The following ZEB1 variants were observed in gnomAD, a reference collection of about 807,000 sequenced individuals.
ZEB1 encodes the protein zinc finger E-box binding homeobox 1, also known as zinc finger E-box-binding homeobox 1.
In ZEB1, 21 loss-of-function variants were observed where a neutral mutation model predicts 84.9. The observed-to-expected ratio is 0.25, with a 90% CI of 0.18 to 0.36. The LOEUF (loss-of-function observed/expected upper bound fraction) is 0.36, where lower values mean the gene tolerates loss of function less well. Ranked by LOEUF, ZEB1 falls within the 10% of genes least tolerant of loss-of-function variation. The pLI is 1.00. For synonymous variants in ZEB1, 420 were observed against 471.1 expected, an observed-to-expected ratio of 0.89 and a Z score of 1.41; for missense variants, 1,104 against 1,330.2, an observed-to-expected ratio of 0.83 and a Z score of 2.65.
In ZEB1 at chr10:31,521,651, C is replaced by A. The variant is rs143340752; in HGVS notation, c.2319C>A (p.Cys773Ter). 1 of 1,613,970 alleles carries A rather than the reference C, an allele frequency of 6.2e-7. No homozygotes were observed. Residue 773 changes from cysteine to a stop codon, truncating the protein, a stop_gained, in exon 7 of 9, where the codon TGC becomes TGA. Transcript: ENST00000424869. LOFTEE classifies it high-confidence loss of function. ...SVQEEPLNLS[C>*]AKKEPQKDSC... ...AGGAAGAACCCTTGAACTTGTCTTG[C>A]GCAAAAAAGGAGCCACAAAAGGACA...
intron 1 of ZEB1, among the ~76,000 whole-genome samples, chr10:31,320,921 C>T (rs1474688301): frequency 6.6e-6 from 1 of 152,194 alleles, no homozygotes; most frequent in Non-Finnish European, 1.5e-5. Flanking sequence ...GCCCTGCCGC[C>T]GGCCGCAGCC....
chr10:31,505,281 A>G (rs2068779692), intron 4 of ZEB1, among the ~76,000 whole-genome samples: 1 of 152,078 alleles, frequency 6.6e-6, no homozygotes, highest in South Asian at 2.1e-4. Context: ...TGGTTTTGGT[A>G]TCAAGATAGT....
At chr10:31,526,515 T>C (rs764213767) in intron 8 of ZEB1, among the ~76,000 whole-genome samples, 157 bp from the exon 9 acceptor site, 1 of 152,168 alleles carries the variant, frequency 6.6e-6, no homozygotes, top group African/African-American at 2.4e-5. Flanking sequence ...CAAACCAAAT[T>C]GCAATATTAT....
At chr10:31,517,088 T>C (rs1460748429) in intron 6 of ZEB1, among the ~76,000 whole-genome samples, 8 of 152,102 alleles carry the variant, frequency 5.3e-5, no homozygotes, top group African/African-American at 1.9e-4. Flanking sequence ...CAACTGGTCA[T>C]TCACCACAAA....
At chr10:31,480,583 A>T (rs932630199) in intron 2 of ZEB1, among the ~76,000 whole-genome samples, 1 of 152,058 alleles carries the variant, frequency 6.6e-6, no homozygotes, top group Admixed American at 6.6e-5. Context: ...TTTTAGCTCT[A>T]CTTATAAGGG....
chr10:31,358,337 AG>A (rs1286414006), intron 1 of ZEB1: 5 of 152,224 alleles, frequency 3.3e-5, no homozygotes, highest in African/African-American at 7.2e-5. Context: ...CAAGCCTGTA[AG>A]TATGAAGTCG....
intron 1 of ZEB1, among the ~76,000 whole-genome samples, chr10:31,347,455 C>T (rs2040509779): frequency 6.6e-6 from 1 of 152,136 alleles, no homozygotes; most frequent in Non-Finnish European, 1.5e-5. Flanking sequence ...AAGTGATCCT[C>T]CTGTTTGGCC....
intron 6 of ZEB1, among the ~76,000 whole-genome samples, chr10:31,518,505 A>T (rs1159100215): frequency 6.6e-6 from 1 of 152,146 alleles, no homozygotes; most frequent in Non-Finnish European, 1.5e-5. Context: ...GTCTCTTAGT[A>T]GAATTGCCTT....
chr10:31,527,412 A>AACACACACAC lies in ZEB1; in HGVS notation c.*180_*189dup, dbSNP rs3086583. 5.9e-4 allele frequency: 304 copies of AACACACACAC among 515,716 alleles called. 1 individual carries two copies. The highest frequency in any genetic ancestry group is 4.8e-3 in the East Asian group (121 of 25,320). 31.9% of individuals were successfully genotyped at this position (515,716 alleles called of 1,614,324 possible). ...AAAACTAAAAAAATACAAAATACAAAACACACACACACACACACACACACA... is the reference window on the plus strand; with the variant it reads ...AAAACTAAAAAAATACAAAATACAAAACACACACACACACACACACACACACACACACACA... On this transcript the variant is annotated 3_prime_UTR_variant, in exon 9 of 9. Coordinates refer to ENST00000424869, the MANE Select transcript of ZEB1 (RefSeq NM_001174096.2).
At chr10:31,428,073 C>A (rs927401188) in intron 1 of ZEB1, among the ~76,000 whole-genome samples, 8 of 151,954 alleles carry the variant, frequency 5.3e-5, no homozygotes, top group Non-Finnish European at 1.0e-4. Flanking sequence ...TCCTTCAGTT[C>A]AGCTCTGATT....
intron 2 of ZEB1, among the ~76,000 whole-genome samples, chr10:31,468,524 G>A (rs2062728814): frequency 6.6e-6 from 1 of 152,138 alleles, no homozygotes; most frequent in Admixed American, 6.5e-5. Flanking sequence ...CAGCTCTAAG[G>A]AATGAGGTAA....
At chr10:31,488,442 C>A (rs1287108691) in intron 2 of ZEB1, among the ~76,000 whole-genome samples, 1 of 150,284 alleles carries the variant, frequency 6.7e-6, no homozygotes, top group East Asian at 2.0e-4. Flanking sequence ...TTTGTGGCTT[C>A]TTTTTTTGCT....
intron 4 of ZEB1, among the ~76,000 whole-genome samples, chr10:31,508,035 G>C (rs915467413): frequency 1.1e-4 from 16 of 152,088 alleles, no homozygotes; most frequent in African/African-American, 3.6e-4. Flanking sequence ...TGTAATTTCT[G>C]TATGATATCT....
chr10:31,366,744 A>G (rs1750495398), intron 1 of ZEB1, among the ~76,000 whole-genome samples: 1 of 152,188 alleles, frequency 6.6e-6, no homozygotes, highest in African/African-American at 2.4e-5. Context: ...GAGGTCTAGC[A>G]AAGATCTTTT....
intron 3 of ZEB1, among the ~76,000 whole-genome samples, chr10:31,500,501 A>G (rs12266140): frequency 0.014 from 2,154 of 152,272 alleles, 51 homozygotes; most frequent in African/African-American, 0.049. Context: ...TTTATGCCTA[A>G]TAGAAATTCA....
intron 2 of ZEB1, among the ~76,000 whole-genome samples, chr10:31,472,321 TAATAAAAAAAGA>T (rs1296589689): frequency 6.6e-6 from 1 of 151,650 alleles, no homozygotes; most frequent in Non-Finnish European, 1.5e-5. Flanking sequence ...CTAGCAAGAC[TAATAAAAAAAGA>T]GAGAAGAATC....
chr10:31,322,227 T>G (rs2034274593), intron 1 of ZEB1: 1 of 152,472 alleles, frequency 6.6e-6, no homozygotes, highest in African/African-American at 2.4e-5. Flanking sequence ...TTATATTCCA[T>G]TGTGTTGTGA....
chr10:31,358,302 T>C (rs1371544032), intron 1 of ZEB1: 1 of 152,194 alleles, frequency 6.6e-6, no homozygotes, highest in Non-Finnish European at 1.5e-5. Flanking sequence ...GTTTTTTACT[T>C]ATGTGAAACA....
At chr10:31,400,911 A>G (rs72639506) in intron 1 of ZEB1, among the ~76,000 whole-genome samples, 6 of 152,106 alleles carry the variant, frequency 3.9e-5, no homozygotes, top group Non-Finnish European at 7.4e-5. Context: ...TCATAATCCA[A>G]ATTTTCTCAA....
Sources: allele counts gnomAD v4.1 joint callset (sites outside exome capture counted in the v4.1 genomes callset), GRCh38; gene constraint gnomAD v4.1.1; transcripts MANE v1.5; gene names NCBI Gene and HGNC (gene_info 2026-07-23, HGNC 2026-07-21).